Variants in ZBTB33 observed in about 807,000 individuals in gnomAD.
ZBTB33 encodes zinc finger and BTB domain containing 33, also known as transcriptional regulator Kaiso.
In ZBTB33, 11 loss-of-function variants were observed where a neutral mutation model predicts 25.9. That is an observed-to-expected ratio of 0.42 (90% CI 0.27 to 0.70). The LOEUF is 0.70. Among genes scored for constraint, ZBTB33 ranks in the 30% least tolerant of loss-of-function variants. The probability of loss-of-function intolerance (pLI) is 0.23; values close to 1 mark genes in which losing one functional copy is unlikely to be tolerated. For missense variants in ZBTB33, 343 were observed against 501.1 expected (o/e 0.68, Z 3.01); for synonymous variants, 157 against 184.8 (o/e 0.85, Z 1.22).
At position 120,255,069 on chromosome X, in the gene ZBTB33, T is replaced by A; in HGVS notation, c.1654T>A (p.Cys552Ser). 1 of 1,212,169 alleles carries A rather than the reference T, an allele frequency of 8.2e-7. No individual in the cohort carries two copies. The highest frequency in any genetic ancestry group is 1.1e-6 in the Non-Finnish European group (1 of 895,587). ...TCACACAGGGGAGCGAAGGTATCAG[T>A]GTTTGGCCTGTGGCAAATCTTTCAT... ...IHHTGERRYQ[C>S]LACGKSFINY... The change falls in exon 3 of 3, where the codon TGT becomes AGT. Residue 552 changes from cysteine (C) to serine (S), a missense_variant. By Grantham distance (112) the Cys-to-Ser change is moderately radical. Transcript: ENST00000557385.
At position 120,254,239 on chromosome X, in the gene ZBTB33, A is replaced by G. The variant is rs782029832; in HGVS notation, c.824A>G (p.His275Arg). Reference sequence around the variant, plus strand: ...TTGTTGGTATCTTCAGCTCCAACACATCTGACTCCCAATATTATTTTGTTA... The same window carrying G: ...TTGTTGGTATCTTCAGCTCCAACACGTCTGACTCCCAATATTATTTTGTTA... ...EKLLVSSAPT[H>R]LTPNIILLNQ... is the part of the protein sequence containing the mutation. Residue 275 changes from histidine to arginine, a missense_variant, in exon 3 of 3, where the codon CAT becomes CGT. This residue lies in a region of ZBTB33 where 304 missense variants were observed against 410.0 expected (regional missense o/e 0.74). Coordinates refer to ENST00000557385, the MANE Select transcript of ZBTB33 (RefSeq NM_001184742.2). 1.3e-5 allele frequency: 16 copies of G among 1,210,458 alleles called. No individual in the cohort carries two copies. The highest frequency in any genetic ancestry group is 1.7e-5 in the Non-Finnish European group (15 of 895,344).
At chrX:120,251,610 C>G (rs899491803) in intron 1 of ZBTB33, among the ~76,000 whole-genome samples, 5 of 111,693 alleles carry the variant, frequency 4.5e-5, no homozygotes, top group Non-Finnish European at 9.4e-5. Flanking sequence ...GTTCAGCTGC[C>G]GCAGGGAGCC....
rs1196921066 is a variant in ZBTB33, at chrX:120,257,903, C to T, written c.*2469C>T. 2.4e-5 allele frequency: 3 copies of T among 122,849 alleles called. No individual in the cohort carries two copies. Among genetic ancestry groups the T allele is most frequent in the Non-Finnish European group, 5.7e-5 (3 of 53,016 alleles). The allele number at this position is 122,849 out of a possible 1,213,427, so 10.1% of individuals were successfully genotyped here. A position where few individuals can be genotyped will look rare whatever the true frequency, so the allele number is the denominator to read the frequency against. On this transcript the variant is annotated 3_prime_UTR_variant, in exon 3 of 3. Transcript: ENST00000557385. ...TTTGAAGTTAGCTTCAAATTTGCTC[C>T]TATGCTAAATTACCTGTAAATATTC...
rs2057630678 is a variant in ZBTB33, at chrX:120,255,269, G to A, written c.1854G>A (p.Lys618=). 1.7e-6 allele frequency: 2 copies of A among 1,211,718 alleles called. No homozygotes were observed. The highest frequency in any genetic ancestry group is 3.5e-5 in the African/African-American group (2 of 57,746). ...TGAAGGATGATGGTATTGGGTATAA[G>A]GTTGACACTGGAAAAGAACCTCCAG... is the stretch of plus-strand genomic sequence containing the variant. ...PAMKDDGIGY[K]VDTGKEPPVG... Residue 618 remains lysine, a synonymous_variant, in exon 3 of 3, where the codon AAG becomes AAA. Transcript: ENST00000557385.
chrX:120,255,050 A>G lies in ZBTB33; in HGVS notation c.1635A>G (p.Thr545=). 1 of 1,211,883 alleles carries G rather than the reference A, an allele frequency of 8.3e-7. No homozygotes were observed. Among genetic ancestry groups the G allele is most frequent in the Non-Finnish European group, 1.1e-6 (1 of 895,537 alleles). The change falls in exon 3 of 3, where the codon ACA becomes ACG. Residue 545 remains threonine, a synonymous_variant. Coordinates refer to ENST00000557385, the MANE Select transcript of ZBTB33 (RefSeq NM_001184742.2). The part of the protein sequence containing the change: ...EYRTKHEIHH[T]GERRYQCLAC... The stretch of plus-strand genomic sequence containing the variant: ...GCACAAAGCATGAAATTCATCACAC[A>G]GGGGAGCGAAGGTATCAGTGTTTGG...
intron 1 of ZBTB33, among the ~76,000 whole-genome samples, chrX:120,251,972 C>T (rs73219112): frequency 0.055 from 6,204 of 112,611 alleles, 165 homozygotes; most frequent in Middle Eastern, 0.18. Flanking sequence ...TCGAAATGCC[C>T]GTATTTCGGA....
rs2057636236 is a variant in ZBTB33 at position 120,256,094 on chromosome X, A to G, written c.*660A>G. On this transcript the variant is annotated 3_prime_UTR_variant, in exon 3 of 3. Transcript: ENST00000557385. ...TAGTCTGTAAAAGACTTTGGTGGCT[A>G]GACCACTTTATACCTTCGCAGTGTG... 1 of 123,130 alleles carries G rather than the reference A, an allele frequency of 8.1e-6. No individual in the cohort carries two copies. The highest frequency in any genetic ancestry group is 1.9e-5 in the Non-Finnish European group (1 of 53,191). 10.1% of individuals were successfully genotyped at this position (123,130 alleles called of 1,213,427 possible).
Position 120,255,366 on chromosome X carries a change from T to A in ZBTB33, c.1951T>A (p.Ser651Thr), listed in dbSNP as rs1310943175. 1 of 1,209,957 alleles carries A rather than the reference T, an allele frequency of 8.3e-7. No individual in the cohort carries two copies. Among genetic ancestry groups the A allele is most frequent in the Non-Finnish European group, 1.1e-6 (1 of 894,884 alleles). The part of the protein sequence containing the change: ...EDIFIQQEND[S>T]IFKQNVTDGS... Reference sequence around the variant, plus strand: ...TATTTTTATTCAGCAGGAAAATGATTCAATTTTTAAACAAAATGTAACAGA... The same window carrying A: ...TATTTTTATTCAGCAGGAAAATGATACAATTTTTAAACAAAATGTAACAGA... The change falls in exon 3 of 3, where the codon TCA becomes ACA. Residue 651 changes from serine (S) to threonine (T), a missense_variant. Around this residue, in one of 2 missense-constraint regions of ZBTB33, gnomAD observed 304 missense variants for 410.0 expected, o/e 0.74. Transcript: ENST00000557385.
chrX:120,253,492 G>C lies in ZBTB33; in HGVS notation c.77G>C (p.Arg26Pro). ...GSLLNSLNEQ[R>P]GHGLFCDVTV... Reference sequence around the variant, plus strand: ...CTGCTGAACTCCTTGAATGAGCAACGTGGCCATGGACTCTTCTGTGATGTT... The same window carrying C: ...CTGCTGAACTCCTTGAATGAGCAACCTGGCCATGGACTCTTCTGTGATGTT... The change falls in exon 3 of 3, where the codon CGT becomes CCT. Residue 26 changes from arginine to proline, a missense_variant. Around this residue, in one of 2 missense-constraint regions of ZBTB33, gnomAD observed 39 missense variants for 91.1 expected, o/e 0.43. Transcript: ENST00000557385. 8.3e-7 allele frequency: 1 copy of C among 1,211,677 alleles called. No homozygotes were observed. The highest frequency in any genetic ancestry group is 1.1e-6 in the Non-Finnish European group (1 of 895,549).
At chrX:120,251,030 C>T (rs1331940484) in intron 1 of ZBTB33, 53 bp downstream of exon 1, 1 of 112,762 alleles carries the variant, frequency 8.9e-6, no homozygotes, top group Non-Finnish European at 1.9e-5. Context: ...CTTGCCTTCT[C>T]CGTCCCTGGG....
Position 120,255,136 on chromosome X carries a change from G to T in ZBTB33, c.1721G>T (p.Ser574Ile). The T allele has an allele frequency of 8.3e-7, 1 of 1,211,963 alleles. No individual in the cohort carries two copies. Among genetic ancestry groups the T allele is most frequent in the Non-Finnish European group, 1.1e-6 (1 of 895,550 alleles). Residue 574 changes from serine to isoleucine, a missense_variant, in exon 3 of 3, where the codon AGT becomes ATT. This residue lies in a region of ZBTB33 where 304 missense variants were observed against 410.0 expected (regional missense o/e 0.74). Coordinates refer to ENST00000557385, the MANE Select transcript of ZBTB33 (RefSeq NM_001184742.2). ...FMSSHIKSVH[S>I]QDPSGDSKLY... ...TCTTCACATATAAAGTCAGTTCATA[G>T]TCAAGATCCTTCTGGGGACTCAAAG... is the stretch of plus-strand genomic sequence containing the variant.
chrX:120,254,317 A>C lies in ZBTB33; in HGVS notation c.902A>C (p.His301Pro). 2 of 1,211,964 alleles carry C rather than the reference A, an allele frequency of 1.7e-6. No individual in the cohort carries two copies. The highest frequency in any genetic ancestry group is 2.2e-6 in the Non-Finnish European group (2 of 895,576). Residue 301 changes from histidine (H) to proline (P), a missense_variant, in exon 3 of 3, where the codon CAT becomes CCT. His to Pro is a moderately conservative substitution (Grantham distance 77). Around this residue, in one of 2 missense-constraint regions of ZBTB33, gnomAD observed 304 missense variants for 410.0 expected, o/e 0.74. Coordinates refer to ENST00000557385, the MANE Select transcript of ZBTB33 (RefSeq NM_001184742.2). ...AATGTCAGTTCTTCACTTCCAAATC[A>C]TATGCCCTCTTCAATCAATTTACTT... Reference protein sequence around the residue: ...PPNVSSSLPNHMPSSINLLVQ... With the variant: ...PPNVSSSLPNPMPSSINLLVQ...
At position 120,255,159 on chromosome X, in the gene ZBTB33, A is replaced by G. The variant is rs782457854; in HGVS notation, c.1744A>G (p.Lys582Glu). Reference protein sequence around the residue: ...VHSQDPSGDSKLYRLHPCRSL... With the variant: ...VHSQDPSGDSELYRLHPCRSL... Reference sequence around the variant, plus strand: ...TAGTCAAGATCCTTCTGGGGACTCAAAGCTTTATCGTTTACATCCATGCAG... The same window carrying G: ...TAGTCAAGATCCTTCTGGGGACTCAGAGCTTTATCGTTTACATCCATGCAG... The change falls in exon 3 of 3, where the codon AAG becomes GAG. Residue 582 changes from lysine to glutamate, a missense_variant. Physicochemically the swap from Lys to Glu is moderately conservative, Grantham distance 56. Coordinates refer to ENST00000557385, the MANE Select transcript of ZBTB33 (RefSeq NM_001184742.2). 1.7e-6 allele frequency: 2 copies of G among 1,211,875 alleles called. No individual in the cohort carries two copies. Among genetic ancestry groups the G allele is most frequent in the Non-Finnish European group, 2.2e-6 (2 of 895,507 alleles).
At position 120,254,573 on chromosome X, in the gene ZBTB33, C is replaced by T. The variant is rs1448406823; in HGVS notation, c.1158C>T (p.Ser386=). Residue 386 remains serine, a synonymous_variant, in exon 3 of 3, where the codon TCC becomes TCT. Transcript: ENST00000557385. ...QIPTLLQEPL[S]NSLKISDIIT... The stretch of plus-strand genomic sequence containing the variant: ...CTACACTTCTTCAAGAACCACTTTC[C>T]AATTCCTTAAAAATTTCAGATATAA... 1 of 1,209,642 alleles carries T rather than the reference C, an allele frequency of 8.3e-7. No individual in the cohort carries two copies. Among genetic ancestry groups the T allele is most frequent in the Non-Finnish European group, 1.1e-6 (1 of 895,040 alleles).
rs782200066 is a variant in ZBTB33 at position 120,254,038 on chromosome X, T to C, written c.623T>C (p.Leu208Ser). 6 of 1,208,268 alleles carry C rather than the reference T, an allele frequency of 5.0e-6. No individual in the cohort carries two copies. The highest frequency in any genetic ancestry group is 4.4e-5 in the Admixed American group (2 of 45,658). The change falls in exon 3 of 3, where the codon TTG (leucine) becomes TCG (serine). Residue 208 changes from leucine (L) to serine (S), a missense_variant. Leu to Ser is a moderately radical substitution (Grantham distance 145). This residue lies in a region of ZBTB33 where 304 missense variants were observed against 410.0 expected (regional missense o/e 0.74). Transcript: ENST00000557385. ...CSEILPTKET[L>S]PSNNTVAQVQ... ...GAGATTCTGCCCACAAAGGAGACTT[T>C]GCCGAGTAATAACACAGTGGCACAG...
chrX:120,253,885 A>G lies in ZBTB33; in HGVS notation c.470A>G (p.Gln157Arg). ...ATACAGAAATCAAAAGATGAAGCCC[A>G]AGATAATGGGGCTACTATAATGCCT... ...LVIQKSKDEA[Q>R]DNGATIMPII... Residue 157 changes from glutamine (Q) to arginine (R), a missense_variant, in exon 3 of 3, where the codon CAA becomes CGA. Physicochemically the swap from Gln to Arg is conservative, Grantham distance 43 (BLOSUM62 1). Coordinates refer to ENST00000557385, the MANE Select transcript of ZBTB33 (RefSeq NM_001184742.2). 2 of 1,211,451 alleles carry G rather than the reference A, an allele frequency of 1.7e-6. No homozygotes were observed. The highest frequency in any genetic ancestry group is 1.1e-6 in the Non-Finnish European group (1 of 895,379).
rs782014405 is a variant in ZBTB33, at chrX:120,257,349, T to C, written c.*1915T>C. On this transcript the variant is annotated 3_prime_UTR_variant, in exon 3 of 3. Transcript: ENST00000557385. ...AGTTTCATTAATGCTATTTCACCAG[T>C]TAGACATAATTACTTCTACCGATGT... The C allele has an allele frequency of 4.1e-5, 5 of 122,769 alleles. No individual in the cohort carries two copies. In the East Asian group the frequency reaches 1.4e-3, roughly 34 times the overall value. 10.1% of individuals were successfully genotyped at this position (122,769 alleles called of 1,213,427 possible).
At chrX:120,251,066 A>G (rs2147168427) in intron 1 of ZBTB33, 89 bp downstream of exon 1, 1 of 112,079 alleles carries the variant, frequency 8.9e-6, no homozygotes, top group East Asian at 2.8e-4. Context: ...CATTCGCCTC[A>G]CTTGAACCAG....
chrX:120,254,727 G>A lies in ZBTB33; in HGVS notation c.1312G>A (p.Gly438Ser). The A allele has an allele frequency of 8.3e-7, 1 of 1,211,191 alleles. No individual in the cohort carries two copies. The highest frequency in any genetic ancestry group is 1.7e-5 in the African/African-American group (1 of 57,746). Residue 438 changes from glycine to serine, a missense_variant, in exon 3 of 3, where the codon GGT (glycine) becomes AGT (serine). Gly to Ser is a moderately conservative substitution (Grantham distance 56). This residue lies in a region of ZBTB33 where 304 missense variants were observed against 410.0 expected (regional missense o/e 0.74). Coordinates refer to ENST00000557385, the MANE Select transcript of ZBTB33 (RefSeq NM_001184742.2). ...STGCKVYANI[G>S]EDTYDIVIPV... ...TGGTTGCAAGGTTTATGCAAATATC[G>A]GTGAAGATACTTATGATATAGTGAT...
Sources: allele counts gnomAD v4.1 joint callset (sites outside exome capture counted in the v4.1 genomes callset), GRCh38; gene constraint gnomAD v4.1.1; regional missense constraint gnomAD v4.1.1; transcripts MANE v1.5; gene names NCBI Gene and HGNC (gene_info 2026-07-23, HGNC 2026-07-21).